STK3: variants seen among roughly 807,000 people sequenced by gnomAD.
STK3 encodes serine/threonine kinase 3.
In STK3, 41 loss-of-function variants were observed where a neutral mutation model predicts 58.0. The observed-to-expected ratio is 0.71, with a 90% CI of 0.55 to 0.92. The LOEUF is 0.92. Ranked by LOEUF, STK3 falls within the 40% of genes least tolerant of loss-of-function variation. The pLI is 0.00. For missense variants in STK3, 479 were observed against 602.7 expected, an observed-to-expected ratio of 0.79 and a Z score of 2.15; for synonymous variants, 170 against 191.0, an observed-to-expected ratio of 0.89 and a Z score of 0.91.
intron 1 of STK3, among the ~76,000 whole-genome samples, chr8:98,915,684 T>C (rs1190642046): frequency 6.6e-6 from 1 of 151,852 alleles, no homozygotes; most frequent in Non-Finnish European, 1.5e-5. Context: ...CGTGTGATTT[T>C]TAAAATGGAG....
intron 6 of STK3, among the ~76,000 whole-genome samples, chr8:98,653,898 A>T (rs1260819247): frequency 6.6e-6 from 1 of 152,252 alleles, no homozygotes; most frequent in Non-Finnish European, 1.5e-5. Context: ...TAATTCTACC[A>T]GAGGTACAAG....
At chr8:98,613,018 GTTAAA>G (rs1415836021) in intron 6 of STK3, among the ~76,000 whole-genome samples, 1 of 152,182 alleles carries the variant, frequency 6.6e-6, no homozygotes, top group Non-Finnish European at 1.5e-5. Context: ...CTAGAAAAAA[GTTAAA>G]TTAAGACTTT....
At chr8:98,410,135 C>T (rs1251808078) in intron 3 of STK3, among the ~76,000 whole-genome samples, 1 of 151,910 alleles carries the variant, frequency 6.6e-6, no homozygotes, top group Non-Finnish European at 1.5e-5. Context: ...CATTAAAAAC[C>T]AGCTGGCTAA....
the STK3 span, among the ~76,000 whole-genome samples, chr8:98,345,209 T>C: frequency 2.6e-5 from 4 of 152,020 alleles, no homozygotes; most frequent in African/African-American, 9.7e-5. Flanking sequence ...AATCTAGCAA[T>C]GTATGTCCCA....
intron 1 of STK3, among the ~76,000 whole-genome samples, chr8:98,810,906 CT>C (rs1044242117): frequency 6.6e-6 from 1 of 152,114 alleles, no homozygotes; most frequent in Non-Finnish European, 1.5e-5. Flanking sequence ...GGCACCTCCT[CT>C]TCTCTCTTGG....
intron 6 of STK3, among the ~76,000 whole-genome samples, chr8:98,608,992 C>G (rs1816972570): frequency 6.6e-6 from 1 of 152,166 alleles, no homozygotes; most frequent in African/African-American, 2.4e-5. Flanking sequence ...TGAGACAGTT[C>G]TATATTTATT....
At chr8:98,618,125 G>A (rs1433642703) in intron 6 of STK3, among the ~76,000 whole-genome samples, 1 of 151,628 alleles carries the variant, frequency 6.6e-6, no homozygotes, top group Non-Finnish European at 1.5e-5. Context: ...ATGATCAAGT[G>A]GGCTTCATCC....
chr8:98,581,620 A>C (rs143017837), intron 7 of STK3, among the ~76,000 whole-genome samples: 2 of 151,680 alleles, frequency 1.3e-5, no homozygotes, highest in Middle Eastern at 3.4e-3. Context: ...GAAAGTTTTC[A>C]GTCTTACTAG....
upstream of STK3, among the ~76,000 whole-genome samples, chr8:98,830,398 A>G (rs1689792800): frequency 6.6e-6 from 1 of 152,204 alleles, no homozygotes; most frequent in African/African-American, 2.4e-5. Context: ...CAAGGGAACA[A>G]TAAGTGCTAA....
At chr8:98,380,963 C>CTT (rs33934435) in intron 1 of STK3, among the ~76,000 whole-genome samples, 11 of 44,122 alleles carry the variant, frequency 2.5e-4, no homozygotes, top group African/African-American at 8.1e-4. Flanking sequence ...TCTCTCTCTC[C>CTT]TTTTTTTTTT....
Position 98,554,715 on chromosome 8 carries a change from T to C in STK3, c.949-6554A>G, listed in dbSNP as rs190306459. On this transcript the variant is annotated intron_variant, in intron 8 of 10. Transcript: ENST00000419617. ...AGAAATTAATAAAGTACAGATGGAA[T>C]GATAACTAGTTAAACGAAATTAGAA... Among the ~76,000 whole-genome samples, 1,400 of 152,210 alleles carry C rather than the reference T, an allele frequency of 9.2e-3. 18 individuals carry two copies. Among genetic ancestry groups the C allele is most frequent in the African/African-American group, 0.032 (1,324 of 41,546 alleles).
At chr8:98,926,038 G>A (rs1483437534) in intron 1 of STK3, among the ~76,000 whole-genome samples, 1 of 152,178 alleles carries the variant, frequency 6.6e-6, no homozygotes, top group East Asian at 1.9e-4. Context: ...GGGGAGAAGA[G>A]AGGATGAGAA....
At chr8:98,835,000 C>A (rs1835695455) in intron 3 of STK3, among the ~76,000 whole-genome samples, 1 of 152,138 alleles carries the variant, frequency 6.6e-6, no homozygotes, top group African/African-American at 2.4e-5. Flanking sequence ...ATTGGCTATT[C>A]ATTTTTTGTT....
intron 3 of STK3, among the ~76,000 whole-genome samples, chr8:98,838,521 G>T (rs1199580579): frequency 6.6e-6 from 1 of 152,128 alleles, no homozygotes; most frequent in Admixed American, 6.5e-5. Flanking sequence ...GAGGCCTAGA[G>T]CAGGAGCGAA....
At chr8:98,344,087 T>C in the STK3 span, among the ~76,000 whole-genome samples, 1 of 152,230 alleles carries the variant, frequency 6.6e-6, no homozygotes, top group Non-Finnish European at 1.5e-5. Context: ...TTACTTTTAG[T>C]TTCTGAAGTG....
intron 10 of STK3, among the ~76,000 whole-genome samples, chr8:98,503,520 C>G (rs1823794666): frequency 6.6e-6 from 1 of 152,208 alleles, no homozygotes. Context: ...ATCGTTCCTG[C>G]TTTCTCTTGT....
intron 6 of STK3, among the ~76,000 whole-genome samples, chr8:98,667,315 G>A (rs569736766): frequency 6.6e-6 from 1 of 152,188 alleles, no homozygotes; most frequent in East Asian, 1.9e-4. Context: ...TCAAAAACCA[G>A]GGTGGTCTAT....
intron 4 of STK3, 90 bp downstream of exon 4, chr8:98,749,186 T>C (rs1829816577): frequency 2.0e-6 from 2 of 1,002,438 alleles, no homozygotes; most frequent in African/African-American, 1.6e-5. Flanking sequence ...TTCATGCTAT[T>C]ATTTTCTGTG....
intron 1 of STK3, among the ~76,000 whole-genome samples, chr8:98,791,668 C>G (rs1288781545): frequency 6.6e-6 from 1 of 152,138 alleles, no homozygotes; most frequent in Non-Finnish European, 1.5e-5. Flanking sequence ...AGCCCAAATA[C>G]TTACAGCCAA....
Sources: allele counts gnomAD v4.1 joint callset (sites outside exome capture counted in the v4.1 genomes callset), GRCh38; gene constraint gnomAD v4.1.1; transcripts MANE v1.5; gene names NCBI Gene and HGNC (gene_info 2026-07-23, HGNC 2026-07-21).